The following ICE1 variants were observed in gnomAD, a reference collection of about 807,000 sequenced individuals.
ICE1 encodes interactor of little elongation complex ELL subunit 1, also known as little elongation complex subunit 1.
ICE1 carries 64 observed loss-of-function variants against 192.7 expected under a neutral mutation model. That is an observed-to-expected ratio of 0.33 (90% CI 0.27 to 0.41). The LOEUF (loss-of-function observed/expected upper bound fraction) is 0.41. Among genes scored for constraint, ICE1 ranks in the 10% least tolerant of loss-of-function variants. ICE1 has a pLI of 1.00. For synonymous variants in ICE1, 1,010 were observed against 984.5 expected (o/e 1.03, Z -0.49); for missense variants, 2,708 against 2,696.0 (o/e 1.00, Z -0.10).
At chr5:5,478,504 A>T (rs1052896622) in intron 17 of ICE1, among the ~76,000 whole-genome samples, 1 of 152,250 alleles carries the variant, frequency 6.6e-6, no homozygotes, top group Non-Finnish European at 1.5e-5. Context: ...AAGAATCAAT[A>T]TCGTGAAAAT....
At chr5:5,456,629 T>A (rs756682729) in intron 11 of ICE1, among the ~76,000 whole-genome samples, 11 of 152,154 alleles carry the variant, frequency 7.2e-5, no homozygotes, top group Non-Finnish European at 1.2e-4. Flanking sequence ...GATGTTTCCA[T>A]CTCTGCTTGG....
rs1312676195 is a variant in ICE1 at position 5,473,431 on chromosome 5, GT to G, written c.6223-123del. The G allele has an allele frequency of 1.2e-5, 10 of 804,390 alleles. No homozygotes were observed. In the African/African-American group the frequency reaches 1.8e-4, roughly 14 times the overall value. The allele number at this position is 804,390 out of a possible 1,614,324, so 49.8% of individuals were successfully genotyped here. A position where few individuals can be genotyped will look rare whatever the true frequency, so the allele number is the denominator to read the frequency against. ...ATAAACATGGTTCCTTAGTCAAACT[GT>G]TTTAAAAAGCTATTTCAGATTAAAT... On this transcript the variant is annotated intron_variant, in intron 15 of 18. Coordinates refer to ENST00000296564, the MANE Select transcript of ICE1 (RefSeq NM_015325.3).
intron 17 of ICE1, among the ~76,000 whole-genome samples, chr5:5,479,737 A>G (rs1457220091): frequency 6.6e-6 from 1 of 152,244 alleles, no homozygotes; most frequent in Non-Finnish European, 1.5e-5. Context: ...AATGTGGCAC[A>G]TAATATACCA....
At chr5:5,423,759 A>G (rs1305598794) in intron 1 of ICE1, among the ~76,000 whole-genome samples, 1 of 151,950 alleles carries the variant, frequency 6.6e-6, no homozygotes, top group Non-Finnish European at 1.5e-5. Context: ...TTAACTTCCT[A>G]CTATCGCGGT....
chr5:5,474,818 C>T (rs1428055758), intron 16 of ICE1, among the ~76,000 whole-genome samples: 1 of 152,064 alleles, frequency 6.6e-6, no homozygotes, highest in Non-Finnish European at 1.5e-5. Context: ...CCATGTGTGT[C>T]CAAGGATGTC....
chr5:5,486,884 TG>T, intron 18 of ICE1, 65 bp downstream of exon 18: 1 of 1,208,026 alleles, frequency 8.3e-7, no homozygotes, highest in Non-Finnish European at 1.2e-6. Context: ...AAACCTTTTT[TG>T]GGGTCCTTGC....
chr5:5,437,381 T>C, intron 3 of ICE1: 1 of 344,488 alleles, frequency 2.9e-6, no homozygotes, highest in Non-Finnish European at 5.3e-6. Context: ...TGGGTTTCTC[T>C]TAATTTGTAC....
intron 1 of ICE1, among the ~76,000 whole-genome samples, chr5:5,435,679 TTTTTG>T (rs1737852581): frequency 6.9e-5 from 7 of 101,666 alleles, no homozygotes; most frequent in Admixed American, 3.5e-4. Context: ...TTTTGTTTTG[TTTTTG>T]TTTTTTTTTT....
At chr5:5,425,811 TAC>T (rs1237770576) in intron 1 of ICE1, among the ~76,000 whole-genome samples, 1 of 152,174 alleles carries the variant, frequency 6.6e-6, no homozygotes, top group Non-Finnish European at 1.5e-5. Context: ...ATTTTACTAA[TAC>T]ATAATAGTGA....
intron 1 of ICE1, among the ~76,000 whole-genome samples, chr5:5,425,185 C>T (rs961111000): frequency 6.6e-6 from 1 of 152,154 alleles, no homozygotes; most frequent in Non-Finnish European, 1.5e-5. Flanking sequence ...CCACTGCTTC[C>T]ACCGTGGTGT....
At position 5,457,451 on chromosome 5, in the gene ICE1, A is replaced by G. The variant is rs772887190; in HGVS notation, c.811A>G (p.Met271Val). Residue 271 changes from methionine to valine, a missense_variant, in exon 12 of 19, where the codon ATG becomes GTG. Physicochemically the swap from Met to Val is conservative, Grantham distance 21 (BLOSUM62 1). Around this residue, in one of 2 missense-constraint regions of ICE1, gnomAD observed 2,366 missense variants for 2,276.6 expected, o/e 1.04. Transcript: ENST00000296564. ...GCAGACATGCCTCACAAAACTGTCC[A>G]TGGAGATAAAGGAGGACTTTTTATG... ...NVQTCLTKLS[M>V]EIKEDFLCQN... 6 of 1,613,936 alleles carry G rather than the reference A, an allele frequency of 3.7e-6. No individual in the cohort carries two copies. The South Asian group carries it at 4.4e-5, about 12-fold the overall frequency.
At chr5:5,450,100 G>A (rs1738368888) in intron 10 of ICE1, among the ~76,000 whole-genome samples, 1 of 152,152 alleles carries the variant, frequency 6.6e-6, no homozygotes, top group Admixed American at 6.5e-5. Flanking sequence ...AAAAAGCAGT[G>A]AGAAAAAAGA....
intron 10 of ICE1, among the ~76,000 whole-genome samples, chr5:5,451,334 G>C (rs1001537378): frequency 6.6e-6 from 1 of 152,034 alleles, no homozygotes; most frequent in African/African-American, 2.4e-5. Flanking sequence ...AAATAAATAC[G>C]GAGAATGAAG....
At chr5:5,476,631 G>A (rs975502880) in intron 17 of ICE1, among the ~76,000 whole-genome samples, 4 of 152,048 alleles carry the variant, frequency 2.6e-5, no homozygotes, top group African/African-American at 7.3e-5. Context: ...GAGGGGTAGC[G>A]GGGAGGGGTC....
intron 1 of ICE1, among the ~76,000 whole-genome samples, chr5:5,432,551 A>G (rs1038972803): frequency 3.3e-5 from 5 of 152,128 alleles, no homozygotes; most frequent in Admixed American, 2.0e-4. Context: ...GGACTGTTGG[A>G]TCGTTGGGTA....
chr5:5,489,089 C>A lies in ICE1; in HGVS notation c.6620-60C>A. ...AATAGTATTCCAGTAGGTTACATCACTAAAATTTTGAATAACAGATATTTT... is the reference window on the plus strand; with the variant it reads ...AATAGTATTCCAGTAGGTTACATCAATAAAATTTTGAATAACAGATATTTT... On this transcript the variant is annotated intron_variant, in intron 18 of 18. Transcript: ENST00000296564. 2.0e-6 allele frequency: 3 copies of A among 1,482,700 alleles called. No individual in the cohort carries two copies. In the South Asian group the frequency reaches 3.6e-5, roughly 18 times the overall value. The allele number at this position is 1,482,700 out of a possible 1,614,324, so 91.8% of individuals were successfully genotyped here. A position where few individuals can be genotyped will look rare whatever the true frequency, so the allele number is the denominator to read the frequency against.
intron 5 of ICE1, 43 bp from the exon 6 acceptor site, chr5:5,443,125 G>A: frequency 8.8e-7 from 1 of 1,137,310 alleles, no homozygotes; most frequent in Non-Finnish European, 1.3e-6. Flanking sequence ...AATGGTCAGT[G>A]ACTTTCATTT....
intron 17 of ICE1, among the ~76,000 whole-genome samples, chr5:5,479,488 G>A (rs1435561821): frequency 1.3e-5 from 2 of 152,220 alleles, no homozygotes; most frequent in African/African-American, 4.8e-5. Context: ...CTTCTACACT[G>A]CTGGTGGGAG....
chr5:5,483,371 T>G (rs1739558102), intron 17 of ICE1, among the ~76,000 whole-genome samples: 1 of 152,194 alleles, frequency 6.6e-6, no homozygotes, highest in African/African-American at 2.4e-5. Context: ...AAGCTTTAGG[T>G]CAGTGAGACT....
Sources: gnomAD v4.1 joint callset for allele counts (sites outside exome capture counted in the v4.1 genomes callset) on GRCh38, gnomAD v4.1.1 for gene constraint, gnomAD v4.1.1 regional missense constraint, MANE v1.5 for transcripts, NCBI Gene and HGNC (gene_info 2026-07-23, HGNC 2026-07-21) for gene names.